Variants in PPP2R3B observed in about 807,000 individuals in gnomAD.
PPP2R3B encodes the protein protein phosphatase 2 regulatory subunit B''beta.
A neutral mutation model predicts 72.9 loss-of-function variants in PPP2R3B; 68 were observed. The ratio of observed to expected loss-of-function variants is 0.93; its 90% CI spans 0.77 to 1.14. The LOEUF is 1.14. Among genes scored for constraint, PPP2R3B ranks in the 50% most tolerant of loss-of-function variants. The probability of loss-of-function intolerance (pLI) is 0.00; values close to 1 mark genes in which losing one functional copy is unlikely to be tolerated. For synonymous variants in PPP2R3B, 466 were observed against 375.8 expected (o/e 1.24, Z -2.78); for missense variants, 1,018 against 842.0 (o/e 1.21, Z -2.59).
chrX:369,683 G>A (rs1388717921), intron 1 of PPP2R3B, among the ~76,000 whole-genome samples: 5 of 152,228 alleles, frequency 3.3e-5, no homozygotes, highest in South Asian at 2.1e-4. Context: ...CAGAGGGTGC[G>A]CACAGCAGGC....
chrX:380,659 C>A (rs1443228903), intron 1 of PPP2R3B, among the ~76,000 whole-genome samples: 1 of 151,834 alleles, frequency 6.6e-6, no homozygotes, highest in Admixed American at 6.6e-5. Context: ...GTGGCGGGTG[C>A]CTGTAATCCC....
chrX:374,650 C>T (rs977494700), intron 1 of PPP2R3B, among the ~76,000 whole-genome samples: 1 of 152,148 alleles, frequency 6.6e-6, no homozygotes, highest in Non-Finnish European at 1.5e-5. Flanking sequence ...CACATCCCTG[C>T]CAGGCTGAAC....
At chrX:363,678 T>TC (rs1288648054) in intron 1 of PPP2R3B, among the ~76,000 whole-genome samples, 1 of 146,908 alleles carries the variant, frequency 6.8e-6, no homozygotes, top group African/African-American at 2.5e-5. Context: ...ACAATGCATC[T>TC]CCCCAAGCCC....
chrX:374,744 T>C (rs2071952295), intron 1 of PPP2R3B, among the ~76,000 whole-genome samples: 1 of 152,186 alleles, frequency 6.6e-6, no homozygotes, highest in Non-Finnish European at 1.5e-5. Flanking sequence ...TAAACCTCCT[T>C]GGACGGGTCA....
rs1283307309 is a variant in PPP2R3B, at chrX:384,989, A to AG, written c.324+1378_324+1379insC. On this transcript the variant is annotated intron_variant, in intron 1 of 12. Coordinates refer to ENST00000390665, the MANE Select transcript of PPP2R3B (RefSeq NM_013239.5). Reference sequence around the variant, plus strand: ...GAGAGTGAGAATCTGTCTCAAAAAAAAAAAAAAAAAAAAAAAACTGATTGC... The same window carrying AG: ...GAGAGTGAGAATCTGTCTCAAAAAAAGAAAAAAAAAAAAAAAAACTGATTGC... Among the ~76,000 whole-genome samples, 6 of 150,424 alleles carry AG rather than the reference A, an allele frequency of 4.0e-5. No individual in the cohort carries two copies. In the East Asian group the frequency reaches 1.2e-3, roughly 29 times the overall value.
At position 341,877 on chromosome X, in the gene PPP2R3B, A is replaced by G. The variant is rs2071086523; in HGVS notation, c.1085+6T>C. ...GGCTGCCGTCAGGCGCCTGAGCCGTACGTACCGTGTGACTGCTCCTGAGAA... is the reference window on the plus strand; with the variant it reads ...GGCTGCCGTCAGGCGCCTGAGCCGTGCGTACCGTGTGACTGCTCCTGAGAA... On this transcript the variant is annotated splice_donor_region_variant and intron_variant, in intron 8 of 12. Coordinates refer to ENST00000390665, the MANE Select transcript of PPP2R3B (RefSeq NM_013239.5). The G allele has an allele frequency of 1.2e-6, 2 of 1,612,504 alleles. No individual in the cohort carries two copies. Among genetic ancestry groups the G allele is most frequent in the Admixed American group, 1.7e-5 (1 of 60,004 alleles).
At chrX:340,325 C>T (rs1022528803) in intron 10 of PPP2R3B, among the ~76,000 whole-genome samples, 2 of 150,966 alleles carry the variant, frequency 1.3e-5, no homozygotes, top group South Asian at 2.1e-4. Context: ...GGTCACCCCT[C>T]GGGGGGTGTC....
Position 345,340 on chromosome X carries a change from G to A in PPP2R3B, c.1036+176C>T, listed in dbSNP as rs1424990439. The A allele has an allele frequency of 6.6e-6, 6 of 915,004 alleles. No homozygotes were observed. In the East Asian group the frequency reaches 1.3e-4, roughly 20 times the overall value. 56.7% of individuals were successfully genotyped at this position (915,004 alleles called of 1,614,324 possible). Reference sequence around the variant, plus strand: ...GCGCACGCGGGGACCCAGACACGGGGCAGCGACTGGGGAAGGAGAGGCAGC... The same window carrying A: ...GCGCACGCGGGGACCCAGACACGGGACAGCGACTGGGGAAGGAGAGGCAGC... On this transcript the variant is annotated intron_variant, in intron 7 of 12. Coordinates refer to ENST00000390665, the MANE Select transcript of PPP2R3B (RefSeq NM_013239.5).
At chrX:353,115 T>C (rs2071364330) in intron 2 of PPP2R3B, among the ~76,000 whole-genome samples, 1 of 152,056 alleles carries the variant, frequency 6.6e-6, no homozygotes, top group East Asian at 1.9e-4. Flanking sequence ...GGCTCAGGCC[T>C]GTCATCCCAG....
intron 1 of PPP2R3B, chrX:373,570 G>A (rs1001799366): frequency 3.5e-6 from 1 of 283,548 alleles, no homozygotes; most frequent in Non-Finnish European, 7.5e-6. Context: ...AACCGAGAGG[G>A]CAGCACGAAG....
intron 2 of PPP2R3B, 84 bp downstream of exon 2, chrX:361,321 C>T (rs1404522337): frequency 7.1e-5 from 106 of 1,490,540 alleles, no homozygotes; most frequent in African/African-American, 1.1e-4. Context: ...TCGTGTGACA[C>T]GCACCCACCA....
intron 7 of PPP2R3B, chrX:344,911 T>C (rs1422295436): frequency 8.7e-6 from 3 of 344,120 alleles, no homozygotes; most frequent in East Asian, 1.5e-4. Context: ...ACAGTCTTGG[T>C]CATATGGTTT....
chrX:335,755 T>C (rs1186470115), intron 12 of PPP2R3B: 4 of 152,178 alleles, frequency 2.6e-5, no homozygotes, highest in African/African-American at 4.8e-5. Context: ...ACAAAGTCAG[T>C]ATCAGGAGCG....
At chrX:385,647 A>C (rs2072231180) in intron 1 of PPP2R3B, among the ~76,000 whole-genome samples, 1 of 152,136 alleles carries the variant, frequency 6.6e-6, no homozygotes, top group African/African-American at 2.4e-5. Context: ...ATAAATAAAC[A>C]AAAATTAGCC....
rs186447151 is a variant in PPP2R3B, at chrX:361,391, C to T, written c.510+14G>A. On this transcript the variant is annotated intron_variant, in intron 2 of 12. Coordinates refer to ENST00000390665, the MANE Select transcript of PPP2R3B (RefSeq NM_013239.5). ...ACCACCTCGGCTGCTCCACGTCCCA[C>T]GCGTGACACGTACCTTGGCCACCAG... 1.9e-3 allele frequency: 3,138 copies of T among 1,613,762 alleles called. 55 individuals carry two copies. The African/African-American group carries it at 0.036, about 18-fold the overall frequency.
intron 1 of PPP2R3B, among the ~76,000 whole-genome samples, chrX:368,385 C>T (rs112028231): frequency 7.2e-5 from 5 of 69,428 alleles, no homozygotes; most frequent in Admixed American, 1.3e-4. Context: ...GGGGGAAGGC[C>T]GGGACCACCC....
At chrX:367,438 T>TTTC (rs2071745260) in intron 1 of PPP2R3B, among the ~76,000 whole-genome samples, 1 of 151,926 alleles carries the variant, frequency 6.6e-6, no homozygotes, top group Non-Finnish European at 1.5e-5. Context: ...CCTTTTTTTT[T>TTTC]TCTTTATAGA....
chrX:353,133 A>G (rs2071364599), intron 2 of PPP2R3B, among the ~76,000 whole-genome samples: 1 of 152,036 alleles, frequency 6.6e-6, no homozygotes, highest in African/African-American at 2.4e-5. Context: ...CAGCACTTTG[A>G]GACGCCAAGG....
rs749582648 is a variant in PPP2R3B at position 340,818 on chromosome X, G to T, written c.1298C>A (p.Pro433His). The part of the protein sequence containing the change: ...RLDSMAIEAL[P>H]FQDCLCQMLD... ...CATCTGGCAGAGGCAGTCCTGGAAG[G>T]GCAGGGCCTCGATGGCCATGCTGTC... Residue 433 changes from proline (P) to histidine (H), a missense_variant, in exon 10 of 13, where the codon CCC becomes CAC. Transcript: ENST00000390665. 6.2e-7 allele frequency: 1 copy of T among 1,608,812 alleles called. No individual in the cohort carries two copies. The highest frequency in any genetic ancestry group is 2.2e-5 in the East Asian group (1 of 44,682).
Sources: allele counts gnomAD v4.1 joint callset (sites outside exome capture counted in the v4.1 genomes callset), GRCh38; gene constraint gnomAD v4.1.1; transcripts MANE v1.5; gene names NCBI Gene and HGNC (gene_info 2026-07-23, HGNC 2026-07-21).